Variants in UNC79 observed in about 807,000 individuals in gnomAD.
UNC79 encodes protein unc-79 homolog.
UNC79 carries 37 observed loss-of-function variants against 283.1 expected under a neutral mutation model. The observed-to-expected ratio is 0.13, with a 90% CI of 0.10 to 0.17. The LOEUF (loss-of-function observed/expected upper bound fraction) is 0.17. Among genes scored for constraint, UNC79 ranks in the 10% least tolerant of loss-of-function variants. The pLI is 1.00. For missense variants in UNC79, 2,272 were observed against 3,211.1 expected (o/e 0.71, Z 7.07); for synonymous variants, 1,107 against 1,200.2 (o/e 0.92, Z 1.61).
At chr14:93,438,901 G>A (rs2140123374) in intron 1 of UNC79, among the ~76,000 whole-genome samples, 1 of 151,850 alleles carries the variant, frequency 6.6e-6, no homozygotes, top group East Asian at 1.9e-4. Flanking sequence ...CTTTCTTGGG[G>A]TGCTTTTTTC....
Position 93,456,885 on chromosome 14 carries a change from C to T in UNC79, c.23-10786C>T, listed in dbSNP as rs78074312. On this transcript the variant is annotated intron_variant, in intron 1 of 48. Transcript: ENST00000555664. ...CTGGAATGGGTATTCTTTGATCTCA[C>T]TCCATCCTTGAAGATATGATCCCAT... Among the ~76,000 whole-genome samples, 744 of 152,314 alleles carry T rather than the reference C, an allele frequency of 4.9e-3. 4 individuals are homozygous for T. Among genetic ancestry groups the T allele is most frequent in the Middle Eastern group, 0.034 (10 of 294 alleles).
chr14:93,356,014 A>G (rs2054078928), intron 1 of UNC79, among the ~76,000 whole-genome samples: 1 of 142,612 alleles, frequency 7.0e-6, no homozygotes, highest in Admixed American at 7.3e-5. Context: ...TCAGGAATCT[A>G]TTACTAGTGT....
intron 1 of UNC79, among the ~76,000 whole-genome samples, chr14:93,446,147 T>G (rs1237839443): frequency 6.6e-6 from 1 of 152,136 alleles, no homozygotes; most frequent in African/African-American, 2.4e-5. Flanking sequence ...TACCATTTCC[T>G]TCCTTTGGTT....
chr14:93,655,140 T>A (rs2070781441), intron 37 of UNC79, 94 bp from the exon 41 acceptor site: 7 of 1,423,348 alleles, frequency 4.9e-6, no homozygotes, highest in Admixed American at 3.9e-5. Flanking sequence ...GTTTATAGCC[T>A]GAAGATGTGA....
At chr14:93,509,550 G>C (rs111390975) in intron 7 of UNC79, among the ~76,000 whole-genome samples, 3 of 152,230 alleles carry the variant, frequency 2.0e-5, no homozygotes, top group African/African-American at 7.2e-5. Flanking sequence ...GGGAGAAATT[G>C]GCCAAAACAA....
intron 14 of UNC79, among the ~76,000 whole-genome samples, chr14:93,561,566 G>A (rs2062555836): frequency 6.6e-6 from 1 of 152,086 alleles, no homozygotes; most frequent in African/African-American, 2.4e-5. Flanking sequence ...CGCTAAGGAG[G>A]GATTAGAAAT....
intron 14 of UNC79, among the ~76,000 whole-genome samples, chr14:93,551,761 G>T (rs2061914058): frequency 6.6e-6 from 1 of 152,186 alleles, no homozygotes; most frequent in Non-Finnish European, 1.5e-5. Flanking sequence ...GCTCTAGTGG[G>T]TGTGAGCTGA....
rs182394305 is a variant in UNC79 at position 93,557,077 on chromosome 14, T to A, written c.1755+14381T>A. Among the ~76,000 whole-genome samples the A allele has an allele frequency of 3.9e-5, 6 of 152,306 alleles. No homozygotes were observed. In the East Asian group the frequency reaches 1.2e-3, roughly 29 times the overall value. On this transcript the variant is annotated intron_variant, in intron 14 of 48. Transcript: ENST00000555664. ...AGCTACTCCATTACAGAGAAGGACA[T>A]CCTTAAGTTTTTCTTGTATAGGGGT...
chr14:93,488,690 T>C (rs1443911488), intron 5 of UNC79, among the ~76,000 whole-genome samples: 1 of 152,176 alleles, frequency 6.6e-6, no homozygotes, highest in Non-Finnish European at 1.5e-5. Flanking sequence ...ATTTTTCTCA[T>C]TTCTGGAGGC....
chr14:93,680,190 T>G (rs777115791), intron 41 of UNC79, among the ~76,000 whole-genome samples: 1 of 152,242 alleles, frequency 6.6e-6, no homozygotes, highest in Non-Finnish European at 1.5e-5. Flanking sequence ...ATCTTGACGC[T>G]GTGTGATTGC....
rs762283132 is a variant in UNC79 at position 93,387,426 on chromosome 14, G to T, written c.-351+53903G>T. The stretch of plus-strand genomic sequence containing the variant: ...GCTTTTGCTGTATTTCTTAGGTTTT[G>T]GTATGCTATGTTGCCATTAGCATTT... On this transcript the variant is annotated intron_variant, in intron 1 of 49. Transcript: ENST00000256339. 2.0e-5 allele frequency among the ~76,000 whole-genome samples: 3 copies of T among 151,816 alleles called. 1 individual carries two copies. The highest frequency in any genetic ancestry group is 4.4e-5 in the Non-Finnish European group (3 of 67,962).
intron 1 of UNC79, among the ~76,000 whole-genome samples, chr14:93,361,955 TG>T (rs2054237024): frequency 1.3e-5 from 2 of 152,216 alleles, no homozygotes; most frequent in African/African-American, 2.4e-5. Flanking sequence ...GATGATCTTG[TG>T]GTTTTTTAGT....
Position 93,512,635 on chromosome 14 carries a change from G to A in UNC79, c.899-11343G>A, listed in dbSNP as rs2059880740. ...AAGTTCACTGATCCTTTCTTCTGCT[G>A]CGTCCAATATTTTTTAAAAGTCCAG... On this transcript the variant is annotated intron_variant, in intron 7 of 48. Coordinates refer to ENST00000555664, the Ensembl canonical transcript of UNC79. Among the ~76,000 whole-genome samples the A allele has an allele frequency of 3.3e-5, 5 of 151,968 alleles. No individual in the cohort carries two copies. In the South Asian group the frequency reaches 8.3e-4, roughly 25 times the overall value.
chr14:93,618,242 C>T lies in UNC79; in HGVS notation c.4275C>T (p.His1425=), dbSNP rs76268120. ...GCAAGATCCTGCTGCATCTGATTCA[C>T]ATAACAGTCAATACACTCAATGCGC... The change falls in exon 29 of 49, where the codon CAC becomes CAT. Residue 1425 remains histidine (H), a synonymous_variant. Transcript: ENST00000555664. The T allele has an allele frequency of 5.6e-6, 9 of 1,613,988 alleles. No individual in the cohort carries two copies. The Admixed American group carries it at 1.5e-4, about 27-fold the overall frequency.
intron 5 of UNC79, among the ~76,000 whole-genome samples, chr14:93,489,303 A>G (rs1466431144): frequency 6.6e-6 from 1 of 152,198 alleles, no homozygotes; most frequent in African/African-American, 2.4e-5. Flanking sequence ...TCTGAAATTC[A>G]TGTTATTCTC....
At chr14:93,510,084 C>T (rs76614422) in intron 7 of UNC79, among the ~76,000 whole-genome samples, 2,351 of 152,330 alleles carry the variant, frequency 0.015, 63 homozygotes, top group African/African-American at 0.054. Context: ...GGCTTGCACT[C>T]TCTGGAGCAG....
At chr14:93,476,407 T>A (rs2057802868) in intron 3 of UNC79, among the ~76,000 whole-genome samples, 1 of 152,136 alleles carries the variant, frequency 6.6e-6, no homozygotes, top group African/African-American at 2.4e-5. Flanking sequence ...GGAGCTGAGG[T>A]GTCTTGTATG....
At chr14:93,639,710 G>T (rs1234714735) in intron 32 of UNC79, among the ~76,000 whole-genome samples, 1 of 152,184 alleles carries the variant, frequency 6.6e-6, no homozygotes, top group East Asian at 1.9e-4. Context: ...TGTAACCTTT[G>T]ATCAGGCAAA....
At chr14:93,431,959 T>C (rs1413804921) in intron 1 of UNC79, among the ~76,000 whole-genome samples, 2 of 152,224 alleles carry the variant, frequency 1.3e-5, no homozygotes, top group Non-Finnish European at 2.9e-5. Flanking sequence ...AAACTTCAGA[T>C]TGTAAATAAA....
Sources: allele counts gnomAD v4.1 joint callset (sites outside exome capture counted in the v4.1 genomes callset), GRCh38; gene constraint gnomAD v4.1.1; transcripts MANE v1.5; gene names NCBI Gene and HGNC (gene_info 2026-07-23, HGNC 2026-07-21).